Variants in PHLPP1 observed in about 807,000 individuals in gnomAD.
PHLPP1 encodes PH domain leucine-rich repeat-containing protein phosphatase 1.
Under a neutral mutation model 117.2 loss-of-function variants are expected in PHLPP1, and 42 were observed. The ratio of observed to expected loss-of-function variants is 0.36; its 90% CI spans 0.28 to 0.46. The LOEUF is 0.46. Ranked by LOEUF, PHLPP1 falls within the 20% of genes least tolerant of loss-of-function variation. PHLPP1 has a pLI of 1.00. For synonymous variants in PHLPP1, 1,042 were observed against 970.7 expected, an observed-to-expected ratio of 1.07 and a Z score of -1.37; for missense variants, 2,084 against 2,241.9, an observed-to-expected ratio of 0.93 and a Z score of 1.42.
chr18:62,763,807 T>C (rs1043530863), intron 1 of PHLPP1, among the ~76,000 whole-genome samples: 8 of 152,140 alleles, frequency 5.3e-5, no homozygotes, highest in Non-Finnish European at 1.2e-4. Flanking sequence ...TTTTTTTCTA[T>C]GGGGCAGACC....
At chr18:62,896,264 G>A (rs920591694) in intron 6 of PHLPP1, among the ~76,000 whole-genome samples, 4 of 149,198 alleles carry the variant, frequency 2.7e-5, no homozygotes, top group African/African-American at 7.4e-5. Context: ...TTTTGTTGTT[G>A]TTGTTGGTTT....
intron 1 of PHLPP1, among the ~76,000 whole-genome samples, chr18:62,766,610 TCA>T (rs1245069267): frequency 6.6e-6 from 1 of 152,140 alleles, no homozygotes; most frequent in Non-Finnish European, 1.5e-5. Flanking sequence ...CCAAGACCAC[TCA>T]ACTAATAGAG....
rs1568127680 is a variant in PHLPP1, at chr18:62,821,548, C to CAAAAAAAAAAAAAAAAAA, written c.1577-8487_1577-8486insAAAAAAAAAAAAAAAAAA. On this transcript the variant is annotated intron_variant, in intron 1 of 16. Coordinates refer to ENST00000262719, the MANE Select transcript of PHLPP1 (RefSeq NM_194449.4). ...TGGGTGACAGAGTGAGACCCTTTATCCAAAAAAAAAAAAAAAAAAAAAAGA... is the reference window on the plus strand; with the variant it reads ...TGGGTGACAGAGTGAGACCCTTTATCAAAAAAAAAAAAAAAAAACAAAAAAAAAAAAAAAAAAAAAAGA... Among the ~76,000 whole-genome samples, 92 of 29,130 alleles carry CAAAAAAAAAAAAAAAAAA rather than the reference C, an allele frequency of 3.2e-3. 2 individuals carry two copies. Among genetic ancestry groups the CAAAAAAAAAAAAAAAAAA allele is most frequent in the Admixed American group, 3.6e-3 (7 of 1,930 alleles). 19.1% of individuals were successfully genotyped at this position (29,130 alleles called of 152,430 possible). A position where few individuals can be genotyped will look rare whatever the true frequency, so the allele number is the denominator to read the frequency against.
intron 16 of PHLPP1, among the ~76,000 whole-genome samples, chr18:62,976,970 A>G (rs1911206030): frequency 6.6e-6 from 1 of 152,206 alleles, no homozygotes; most frequent in Admixed American, 6.5e-5. Flanking sequence ...TGGAAGCTTC[A>G]TTGCTCATGA....
intron 4 of PHLPP1, among the ~76,000 whole-genome samples, chr18:62,894,207 C>A (rs558894301): frequency 6.6e-6 from 1 of 152,088 alleles, no homozygotes; most frequent in African/African-American, 2.4e-5. Context: ...ATAATTGGTT[C>A]TTTTTTGAGA....
chr18:62,786,004 G>T (rs1438319793), intron 1 of PHLPP1, among the ~76,000 whole-genome samples: 1 of 152,156 alleles, frequency 6.6e-6, no homozygotes, highest in African/African-American at 2.4e-5. Context: ...TTCTATCCCT[G>T]CCTTAACTCA....
intron 1 of PHLPP1, among the ~76,000 whole-genome samples, chr18:62,764,301 T>C (rs570495375): frequency 8.2e-4 from 125 of 152,224 alleles, no homozygotes; most frequent in Non-Finnish European, 1.7e-3. Flanking sequence ...TTTCTCACCT[T>C]TCATTTGTCC....
intron 4 of PHLPP1, among the ~76,000 whole-genome samples, chr18:62,881,169 A>G (rs1916166546): frequency 2.0e-5 from 3 of 152,214 alleles, no homozygotes; most frequent in Admixed American, 2.0e-4. Flanking sequence ...GCTTGAGCCA[A>G]GAAGGTCAAG....
chr18:62,716,457 G>C lies in PHLPP1; in HGVS notation c.774G>C (p.Arg258=). 4.6e-6 allele frequency: 6 copies of C among 1,296,812 alleles called. No homozygotes were observed. Among genetic ancestry groups the C allele is most frequent in the Non-Finnish European group, 5.8e-6 (6 of 1,026,108 alleles). The allele number at this position is 1,296,812 out of a possible 1,614,324, so 80.3% of individuals were successfully genotyped here. The change falls in exon 1 of 17, where the codon CGG becomes CGC. Residue 258 remains arginine (R), a synonymous_variant. Coordinates refer to ENST00000262719, the MANE Select transcript of PHLPP1 (RefSeq NM_194449.4). This position sits in a 1 kb window ranked among gnomAD's most constrained non-coding sequence, Gnocchi z 5.7. ...AGGGGCCCGGAGCCGCCGCCGCCCG[G>C]GAGCCCGCTGAACCGCCCCCCGAGG... The part of the protein sequence containing the change: ...LGQGPGAAAA[R]EPAEPPPEAG...
intron 1 of PHLPP1, among the ~76,000 whole-genome samples, chr18:62,744,793 CTG>C (rs1911629578): frequency 6.6e-6 from 1 of 152,198 alleles, no homozygotes; most frequent in Admixed American, 6.5e-5. Flanking sequence ...TATTATAACA[CTG>C]TACAATATTA....
chr18:62,895,981 A>G lies in PHLPP1; in HGVS notation c.2414A>G (p.Lys805Arg). ...ACCCTTAGGCTACAGGCTTTAAGAA[A>G]AATGCCTCACATTAAACATGTGGAT... ...VETLRLQALR[K>R]MPHIKHVDLR... Residue 805 changes from lysine to arginine, a missense_variant, in exon 6 of 17, where the codon AAA becomes AGA. Coordinates refer to ENST00000262719, the MANE Select transcript of PHLPP1 (RefSeq NM_194449.4). The G allele has an allele frequency of 6.2e-7, 1 of 1,612,466 alleles. No homozygotes were observed. The highest frequency in any genetic ancestry group is 8.5e-7 in the Non-Finnish European group (1 of 1,178,520).
intron 8 of PHLPP1, 33 bp from the exon 9 acceptor site, chr18:62,914,880 T>A (rs1466126874): frequency 6.7e-7 from 1 of 1,497,302 alleles, no homozygotes; most frequent in East Asian, 2.3e-5. Flanking sequence ...TGAGGACAAA[T>A]TCAACCAATT....
intron 4 of PHLPP1, among the ~76,000 whole-genome samples, chr18:62,869,241 T>G (rs555405582): frequency 2.6e-5 from 4 of 152,168 alleles, no homozygotes; most frequent in Non-Finnish European, 4.4e-5. Context: ...ATGCCTGATG[T>G]CTTTGAATCA....
chr18:62,750,955 CA>C (rs1911833013), intron 1 of PHLPP1, among the ~76,000 whole-genome samples: 1 of 152,172 alleles, frequency 6.6e-6, no homozygotes, highest in African/African-American at 2.4e-5. Context: ...CATGTCTGTT[CA>C]CGTTAAATAC....
chr18:62,806,087 A>T (rs1405014499), intron 1 of PHLPP1, among the ~76,000 whole-genome samples: 1 of 152,060 alleles, frequency 6.6e-6, no homozygotes. Flanking sequence ...AGGGAAAGTG[A>T]AACAAAACAA....
intron 1 of PHLPP1, among the ~76,000 whole-genome samples, chr18:62,742,702 G>A (rs1468297247): frequency 6.6e-6 from 1 of 152,136 alleles, no homozygotes; most frequent in Admixed American, 6.5e-5. Context: ...CCAAAGTGTT[G>A]GGATTACAGG....
intron 14 of PHLPP1, among the ~76,000 whole-genome samples, chr18:62,969,503 G>A (rs1910993928): frequency 6.6e-6 from 1 of 152,130 alleles, no homozygotes; most frequent in Non-Finnish European, 1.5e-5. Flanking sequence ...TGGGTATGGT[G>A]CCAGTTAACT....
chr18:62,752,825 T>C (rs1222730392), intron 1 of PHLPP1, among the ~76,000 whole-genome samples: 2 of 152,348 alleles, frequency 1.3e-5, no homozygotes, highest in East Asian at 1.9e-4. Context: ...TAGATCCTTA[T>C]TGAAGCTGAC....
intron 12 of PHLPP1, among the ~76,000 whole-genome samples, chr18:62,956,471 T>C (rs1910613804): frequency 1.3e-5 from 2 of 152,126 alleles, no homozygotes; most frequent in Non-Finnish European, 2.9e-5. Flanking sequence ...TGAAAATTTG[T>C]TGGGGGACAA....
Sources: gnomAD v4.1 joint callset for allele counts (sites outside exome capture counted in the v4.1 genomes callset) on GRCh38, gnomAD v4.1.1 for gene constraint, Gnocchi (gnomAD v3.1) non-coding constraint, MANE v1.5 for transcripts, NCBI Gene and HGNC (gene_info 2026-07-23, HGNC 2026-07-21) for gene names.